Variants in EXOC6B observed in about 807,000 individuals in gnomAD.
The protein encoded by EXOC6B is exocyst complex component 6B.
Under a neutral mutation model 113.5 loss-of-function variants are expected in EXOC6B, and 54 were observed. The observed-to-expected ratio is 0.48, with a 90% CI of 0.38 to 0.60. The LOEUF (loss-of-function observed/expected upper bound fraction) is 0.60, where lower values mean the gene tolerates loss of function less well. Ranked by LOEUF, EXOC6B falls within the 20% of genes least tolerant of loss-of-function variation. The probability of loss-of-function intolerance (pLI) is 0.00; values close to 1 mark genes in which losing one functional copy is unlikely to be tolerated. For synonymous variants in EXOC6B, 357 were observed against 339.0 expected, an observed-to-expected ratio of 1.05 and a Z score of -0.58; for missense variants, 797 against 977.5, an observed-to-expected ratio of 0.82 and a Z score of 2.46.
At position 72,302,339 on chromosome 2, in the gene EXOC6B, T is replaced by C. The variant is rs1226031452; in HGVS notation, c.2196+32608A>G. Among the ~76,000 whole-genome samples the C allele has an allele frequency of 2.6e-5, 4 of 152,252 alleles. No individual in the cohort carries two copies. The East Asian group carries it at 7.7e-4, about 29-fold the overall frequency. ...TGTTGTTTTCGGGGGGAGAATTTTG[T>C]AGAAGTCTGTCAGATCCATTTGGTC... On this transcript the variant is annotated intron_variant, in intron 20 of 21. Coordinates refer to ENST00000272427, the MANE Select transcript of EXOC6B (RefSeq NM_015189.3).
intron 6 of EXOC6B, among the ~76,000 whole-genome samples, chr2:72,616,705 C>T (rs1459803758): frequency 6.6e-6 from 1 of 152,142 alleles, no homozygotes; most frequent in African/African-American, 2.4e-5. Flanking sequence ...CACCGAGTCC[C>T]TCCCACAACA....
chr2:72,323,596 C>G (rs1427845287), intron 20 of EXOC6B, among the ~76,000 whole-genome samples: 1 of 152,026 alleles, frequency 6.6e-6, no homozygotes, highest in Non-Finnish European at 1.5e-5. Context: ...AAATGTCCAT[C>G]AATGATAGAC....
chr2:72,730,914 T>G, intron 5 of EXOC6B, 93 bp downstream of exon 5: 3 of 843,140 alleles, frequency 3.6e-6, no homozygotes, highest in Middle Eastern at 3.7e-4. Flanking sequence ...AAACTTAATT[T>G]TTTGAAAAGT....
intron 1 of EXOC6B, among the ~76,000 whole-genome samples, chr2:72,757,177 AAAC>A (rs1470568644): frequency 1.3e-5 from 2 of 152,238 alleles, no homozygotes; most frequent in Non-Finnish European, 2.9e-5. Flanking sequence ...AATGAAAACC[AAAC>A]AACAACAAAA....
At position 72,771,905 on chromosome 2, in the gene EXOC6B, G is replaced by C. The variant is rs79980964; in HGVS notation, c.114-30436C>G. On this transcript the variant is annotated intron_variant, in intron 1 of 21. Transcript: ENST00000272427. ...ATATATATTAGTATGTGCTATTTTA[G>C]ATATTAAAACTGAGGAGCGATGTCA... Among the ~76,000 whole-genome samples the C allele has an allele frequency of 3.8e-3, 573 of 152,218 alleles. 7 individuals carry two copies. The highest frequency in any genetic ancestry group is 0.013 in the African/African-American group (550 of 41,532).
intron 20 of EXOC6B, among the ~76,000 whole-genome samples, chr2:72,265,269 A>ATTATTC (rs200149910): frequency 5.8e-4 from 85 of 146,236 alleles, no homozygotes; most frequent in African/African-American, 2.0e-3. Context: ...TATTATTATT[A>ATTATTC]TACTTTAAGT....
chr2:72,465,205 G>C lies in EXOC6B; in HGVS notation c.1935C>G (p.Leu645=), dbSNP rs1697966354. 1 of 1,612,122 alleles carries C rather than the reference G, an allele frequency of 6.2e-7. No homozygotes were observed. The highest frequency in any genetic ancestry group is 1.3e-5 in the African/African-American group (1 of 74,926). ...CAAAGGTGCTACGAAGAAAGGCAAT[G>C]AGGTCTACCAGGTAATCACTAGCTT... ...GNKASDYLVD[L]IAFLRSTFAV... is the part of the protein sequence containing the mutation. The change falls in exon 18 of 22, where the codon CTC becomes CTG. Residue 645 remains leucine (L), a synonymous_variant. Coordinates refer to ENST00000272427, the MANE Select transcript of EXOC6B (RefSeq NM_015189.3).
intron 1 of EXOC6B, among the ~76,000 whole-genome samples, chr2:72,807,274 G>A (rs1332904990): frequency 6.6e-6 from 1 of 152,114 alleles, no homozygotes; most frequent in African/African-American, 2.4e-5. Context: ...TTATTAAATG[G>A]GGAGTGCTTT....
chr2:72,690,532 CA>C (rs1677411294), intron 6 of EXOC6B, among the ~76,000 whole-genome samples: 1 of 152,160 alleles, frequency 6.6e-6, no homozygotes, highest in East Asian at 1.9e-4. Flanking sequence ...AACAGCCACA[CA>C]AAAAAAGTCA....
In EXOC6B at chr2:72,514,663, G is replaced by A. The variant is rs1410969612; in HGVS notation, c.1017C>T (p.Gly339=). Residue 339 remains glycine (G), a synonymous_variant, in exon 10 of 22, where the codon GGC becomes GGT. Coordinates refer to ENST00000272427, the MANE Select transcript of EXOC6B (RefSeq NM_015189.3). ...CAATTTGATTAAAATACTTCCTGTA[G>A]CCATCTAAAGTTTCATGCTGCAACA... ...PPSNMHETLD[G]YRKYFNQIVG... is the part of the protein sequence containing the mutation. 10 of 1,433,396 alleles carry A rather than the reference G, an allele frequency of 7.0e-6. No individual in the cohort carries two copies. Among genetic ancestry groups the A allele is most frequent in the Non-Finnish European group, 9.4e-6 (10 of 1,067,348 alleles). The allele number at this position is 1,433,396 out of a possible 1,614,324, so 88.8% of individuals were successfully genotyped here. A position where few individuals can be genotyped will look rare whatever the true frequency, so the allele number is the denominator to read the frequency against.
intron 18 of EXOC6B, among the ~76,000 whole-genome samples, chr2:72,432,042 T>G (rs1695567392): frequency 6.6e-6 from 1 of 152,114 alleles, no homozygotes; most frequent in African/African-American, 2.4e-5. Flanking sequence ...TTTTTCTTTT[T>G]TCTTTTTTTT....
At chr2:72,292,202 TG>T (rs1685840677) in intron 20 of EXOC6B, among the ~76,000 whole-genome samples, 2 of 150,116 alleles carry the variant, frequency 1.3e-5, no homozygotes, top group Non-Finnish European at 3.0e-5. Flanking sequence ...TGTGTGTGTG[TG>T]TGTGTGTGTA....
At position 72,250,759 on chromosome 2, in the gene EXOC6B, A is replaced by G. The variant is rs186229958; in HGVS notation, c.2197-66572T>C. Among the ~76,000 whole-genome samples, 586 of 147,870 alleles carry G rather than the reference A, an allele frequency of 4.0e-3. 2 individuals carry two copies. The highest frequency in any genetic ancestry group is 6.5e-3 in the Non-Finnish European group (437 of 66,918). On this transcript the variant is annotated intron_variant, in intron 20 of 21. Transcript: ENST00000272427. Reference sequence around the variant, plus strand: ...ACAGTTCCTCTTACTCATCACTTGTAAAAAAAAAACCTCAATTTCAATTTG... The same window carrying G: ...ACAGTTCCTCTTACTCATCACTTGTGAAAAAAAAACCTCAATTTCAATTTG...
intron 19 of EXOC6B, among the ~76,000 whole-genome samples, chr2:72,335,580 ACACAC>A (rs1688650489): frequency 6.6e-6 from 1 of 150,588 alleles, no homozygotes; most frequent in Non-Finnish European, 1.5e-5. Context: ...ACACACACAC[ACACAC>A]ACACACACAC....
intron 6 of EXOC6B, among the ~76,000 whole-genome samples, chr2:72,586,750 C>CAAAAAAAT (rs1339498022): frequency 1.3e-5 from 2 of 148,468 alleles, no homozygotes; most frequent in African/African-American, 5.0e-5. Context: ...GACTCCGTCT[C>CAAAAAAAT]AAAAAAATAA....
intron 8 of EXOC6B, among the ~76,000 whole-genome samples, chr2:72,554,531 ATTCTCT>A (rs1703425296): frequency 6.6e-6 from 1 of 152,120 alleles, no homozygotes. Context: ...CCTCACATTC[ATTCTCT>A]TTCCTGCCAC....
chr2:72,772,774 G>A (rs1030803054), intron 1 of EXOC6B, among the ~76,000 whole-genome samples: 1 of 152,106 alleles, frequency 6.6e-6, no homozygotes, highest in Non-Finnish European at 1.5e-5. Context: ...AGGCTGACTG[G>A]GTGATGGGCT....
At chr2:72,325,736 A>C (rs1021206931) in intron 20 of EXOC6B, among the ~76,000 whole-genome samples, 2 of 151,856 alleles carry the variant, frequency 1.3e-5, no homozygotes, top group African/African-American at 4.8e-5. Context: ...TTGACACTTT[A>C]GACTGTCCTT....
chr2:72,638,069 A>C (rs747483838), intron 6 of EXOC6B, among the ~76,000 whole-genome samples: 20 of 152,194 alleles, frequency 1.3e-4, no homozygotes, highest in Non-Finnish European at 2.9e-4. Flanking sequence ...CAGTGAAAGG[A>C]AAACTTGGTT....
Sources: gnomAD v4.1 joint callset for allele counts (sites outside exome capture counted in the v4.1 genomes callset) on GRCh38, gnomAD v4.1.1 for gene constraint, MANE v1.5 for transcripts, NCBI Gene and HGNC (gene_info 2026-07-23, HGNC 2026-07-21) for gene names.